AKAP6: variants seen among roughly 807,000 people sequenced by gnomAD.
AKAP6 encodes the protein A-kinase anchor protein 6.
Under a neutral mutation model 188.5 loss-of-function variants are expected in AKAP6, and 58 were observed. The ratio of observed to expected loss-of-function variants is 0.31; its 90% CI spans 0.25 to 0.38. The LOEUF (loss-of-function observed/expected upper bound fraction) is 0.38. Among genes scored for constraint, AKAP6 ranks in the 10% least tolerant of loss-of-function variants. The pLI is 1.00. For missense variants in AKAP6, 2,710 were observed against 2,740.0 expected (o/e 0.99, Z 0.24); for synonymous variants, 989 against 998.6 (o/e 0.99, Z 0.18).
At chr14:32,653,902 A>C (rs1888334745) in intron 7 of AKAP6, among the ~76,000 whole-genome samples, 2 of 152,146 alleles carry the variant, frequency 1.3e-5, no homozygotes, top group African/African-American at 2.4e-5. Flanking sequence ...CATTCATGTA[A>C]GTTGAATGAG....
At chr14:32,341,162 C>A (rs1052272738) in intron 1 of AKAP6, among the ~76,000 whole-genome samples, 1 of 152,036 alleles carries the variant, frequency 6.6e-6, no homozygotes, top group African/African-American at 2.4e-5. Flanking sequence ...TTAGAGTTTC[C>A]TTATCTTGCA....
At chr14:32,766,054 C>T (rs764586103) in intron 11 of AKAP6, among the ~76,000 whole-genome samples, 1 of 152,154 alleles carries the variant, frequency 6.6e-6, no homozygotes, top group Non-Finnish European at 1.5e-5. Flanking sequence ...CACTATTCCA[C>T]TTTCTGTTTC....
intron 7 of AKAP6, among the ~76,000 whole-genome samples, chr14:32,650,784 T>TA (rs1888189523): frequency 6.6e-6 from 1 of 152,148 alleles, no homozygotes; most frequent in Non-Finnish European, 1.5e-5. Context: ...TGCGTTTACC[T>TA]AGACTATGCA....
At chr14:32,592,190 G>T (rs888947991) in intron 5 of AKAP6, among the ~76,000 whole-genome samples, 2 of 152,188 alleles carry the variant, frequency 1.3e-5, no homozygotes, top group African/African-American at 4.8e-5. Flanking sequence ...CTGAACATTT[G>T]CTAGTTATGT....
chr14:32,682,813 G>T (rs974568978), intron 8 of AKAP6, among the ~76,000 whole-genome samples: 5 of 152,134 alleles, frequency 3.3e-5, no homozygotes, highest in African/African-American at 1.2e-4. Flanking sequence ...GAGAACCATT[G>T]CTTCAGTGGT....
intron 2 of AKAP6, among the ~76,000 whole-genome samples, chr14:32,437,207 A>G (rs907016804): frequency 6.6e-6 from 1 of 152,166 alleles, no homozygotes; most frequent in Admixed American, 6.5e-5. Flanking sequence ...CCAAGCTATC[A>G]GCCAGAGGGA....
At chr14:32,450,680 C>T (rs905700553) in intron 2 of AKAP6, among the ~76,000 whole-genome samples, 14 of 152,196 alleles carry the variant, frequency 9.2e-5, no homozygotes, top group Admixed American at 3.9e-4. Flanking sequence ...ATCATTTTCA[C>T]GTAAGAGTAA....
At chr14:32,569,885 A>G (rs779308182) in intron 4 of AKAP6, among the ~76,000 whole-genome samples, 8 of 152,166 alleles carry the variant, frequency 5.3e-5, no homozygotes, top group Non-Finnish European at 1.2e-4. Context: ...CAAAGAATGT[A>G]GCCCGTTTTG....
chr14:32,492,554 C>G (rs1880094304), intron 2 of AKAP6, among the ~76,000 whole-genome samples: 1 of 151,866 alleles, frequency 6.6e-6, no homozygotes, highest in Non-Finnish European at 1.5e-5. Flanking sequence ...AAAATCTTGT[C>G]TTCATTTTGT....
intron 5 of AKAP6, among the ~76,000 whole-genome samples, chr14:32,585,905 A>G (rs948519192): frequency 6.6e-6 from 1 of 152,136 alleles, no homozygotes; most frequent in African/African-American, 2.4e-5. Context: ...GGAGTCTCAC[A>G]GGTTGGGGCT....
chr14:32,589,617 T>C (rs1885397878), intron 5 of AKAP6, among the ~76,000 whole-genome samples: 1 of 152,224 alleles, frequency 6.6e-6, no homozygotes, highest in African/African-American at 2.4e-5. Flanking sequence ...CACCTGGGAA[T>C]GTACTTTTTG....
At chr14:32,593,069 AGCTCTGT>A (rs1885556523) in intron 5 of AKAP6, among the ~76,000 whole-genome samples, 2 of 125,988 alleles carry the variant, frequency 1.6e-5, no homozygotes, top group South Asian at 4.5e-4. Flanking sequence ...CACAGCTGTG[AGCTCTGT>A]GAGGGCAGGG....
intron 5 of AKAP6, among the ~76,000 whole-genome samples, chr14:32,590,302 C>T (rs1885435689): frequency 1.3e-5 from 2 of 151,780 alleles, no homozygotes; most frequent in South Asian, 4.2e-4. Flanking sequence ...TGGTGTCTCC[C>T]CCAACTCCTA....
At chr14:32,756,137 G>A (rs901897588) in intron 11 of AKAP6, among the ~76,000 whole-genome samples, 2 of 152,178 alleles carry the variant, frequency 1.3e-5, no homozygotes, top group Non-Finnish European at 2.9e-5. Context: ...GGGTCTATAG[G>A]ATCATGCCTG....
At chr14:32,744,856 G>A (rs559738482) in intron 11 of AKAP6, among the ~76,000 whole-genome samples, 20 of 151,928 alleles carry the variant, frequency 1.3e-4, no homozygotes, top group Non-Finnish European at 2.5e-4. Flanking sequence ...CTGTCTTCAA[G>A]CTCACTAATT....
chr14:32,561,629 C>G (rs1883958737), intron 4 of AKAP6, among the ~76,000 whole-genome samples: 1 of 152,142 alleles, frequency 6.6e-6, no homozygotes, highest in Non-Finnish European at 1.5e-5. Context: ...ATTAACGAGC[C>G]TGGAGGAATG....
At chr14:32,578,997 C>A (rs1297018067) in intron 5 of AKAP6, among the ~76,000 whole-genome samples, 1 of 152,114 alleles carries the variant, frequency 6.6e-6, no homozygotes, top group African/African-American at 2.4e-5. Context: ...CTATATTGCC[C>A]TCTCCTATGT....
At chr14:32,746,590 A>G (rs2031920398) in intron 11 of AKAP6, among the ~76,000 whole-genome samples, 2 of 152,168 alleles carry the variant, frequency 1.3e-5, no homozygotes, top group African/African-American at 4.8e-5. Context: ...TGTACTTGTC[A>G]AGAGGTACAA....
At chr14:32,721,186 A>G (rs1186811430) in intron 9 of AKAP6, among the ~76,000 whole-genome samples, 1 of 152,220 alleles carries the variant, frequency 6.6e-6, no homozygotes, top group Non-Finnish European at 1.5e-5. Flanking sequence ...AATGATCCAC[A>G]TCGTCACTAA....
Sources: allele counts gnomAD v4.1 joint callset (sites outside exome capture counted in the v4.1 genomes callset), GRCh38; gene constraint gnomAD v4.1.1; transcripts MANE v1.5; gene names NCBI Gene and HGNC (gene_info 2026-07-23, HGNC 2026-07-21).